Variants in ADCY8 observed in about 807,000 individuals in gnomAD.
ADCY8 encodes the protein adenylate cyclase 8.
A neutral mutation model predicts 119.7 loss-of-function variants in ADCY8; 51 were observed. The ratio of observed to expected loss-of-function variants is 0.43; its 90% confidence interval spans 0.34 to 0.54. ADCY8 has a LOEUF of 0.54. Among genes scored for constraint, ADCY8 ranks in the 20% least tolerant of loss-of-function variants. The pLI is 0.03. For missense variants in ADCY8, 1,383 were observed against 1,598.8 expected (o/e 0.87, Z 2.30); for synonymous variants, 665 against 651.0 (o/e 1.02, Z -0.33).
At chr8:130,841,472 A>C (rs773446276) in intron 11 of ADCY8, among the ~76,000 whole-genome samples, 5 of 152,232 alleles carry the variant, frequency 3.3e-5, no homozygotes, top group Non-Finnish European at 5.9e-5. Context: ...TCCATGAAAC[A>C]AACAGTTTAC....
chr8:130,874,967 G>A (rs989316706), intron 8 of ADCY8, among the ~76,000 whole-genome samples: 8 of 152,186 alleles, frequency 5.3e-5, no homozygotes, highest in South Asian at 2.1e-4. Context: ...CCCATGAAGC[G>A]TTACAATTGC....
chr8:130,924,788 G>A (rs1820412544), intron 5 of ADCY8, among the ~76,000 whole-genome samples: 1 of 152,128 alleles, frequency 6.6e-6, no homozygotes. Context: ...TGTCCATGCT[G>A]CAGACATACT....
intron 2 of ADCY8, among the ~76,000 whole-genome samples, chr8:130,970,707 C>T (rs970341421): frequency 6.6e-6 from 1 of 152,200 alleles, no homozygotes; most frequent in Non-Finnish European, 1.5e-5. Flanking sequence ...TTGGAATTCA[C>T]CAACTCTGGT....
At chr8:130,789,669 G>C (rs1324907536) in intron 15 of ADCY8, among the ~76,000 whole-genome samples, 2 of 152,136 alleles carry the variant, frequency 1.3e-5, no homozygotes, top group African/African-American at 4.8e-5. Context: ...GGCACAGAGG[G>C]GCTGACGGAA....
At chr8:130,889,746 C>G (rs1457730547) in intron 7 of ADCY8, among the ~76,000 whole-genome samples, 2 of 152,142 alleles carry the variant, frequency 1.3e-5, no homozygotes, top group Non-Finnish European at 2.9e-5. Flanking sequence ...GGCACTACTT[C>G]ACAGAGTATC....
intron 1 of ADCY8, among the ~76,000 whole-genome samples, chr8:131,034,736 A>G (rs543266641): frequency 3.3e-5 from 5 of 152,292 alleles, no homozygotes; most frequent in African/African-American, 1.2e-4. Context: ...CCGCTTATCT[A>G]TCTCACCAAG....
At chr8:130,960,978 G>A (rs948381090) in intron 2 of ADCY8, among the ~76,000 whole-genome samples, 1 of 152,082 alleles carries the variant, frequency 6.6e-6, no homozygotes, top group African/African-American at 2.4e-5. Flanking sequence ...CTGTTCTTAG[G>A]AGAAATTCCA....
chr8:130,850,243 G>T (rs1016546425), intron 9 of ADCY8, among the ~76,000 whole-genome samples: 2 of 152,130 alleles, frequency 1.3e-5, no homozygotes, highest in Non-Finnish European at 2.9e-5. Context: ...AGTTGCTCAG[G>T]TTGGTTCCTG....
chr8:130,823,243 A>G (rs1449096327), intron 12 of ADCY8, among the ~76,000 whole-genome samples: 2 of 151,426 alleles, frequency 1.3e-5, no homozygotes, highest in Non-Finnish European at 2.9e-5. Context: ...AAAAGTAAAA[A>G]TTATGAACAA....
At position 130,780,371 on chromosome 8, in the gene ADCY8, A is replaced by AAC. The variant is rs1554599525; in HGVS notation, c.*18_*19insGT. 2.1e-6 allele frequency: 3 copies of AAC among 1,404,840 alleles called. No homozygotes were observed. Among genetic ancestry groups the AAC allele is most frequent in the Non-Finnish European group, 2.8e-6 (3 of 1,074,634 alleles). The allele number at this position is 1,404,840 out of a possible 1,614,324, so 87.0% of individuals were successfully genotyped here. ...TATATAAAAGAAATACAAAAAAAAAAAACAGAAAGAAAATGCTTTTATGGC... is the reference window on the plus strand; with the variant it reads ...TATATAAAAGAAATACAAAAAAAAAAACAACAGAAAGAAAATGCTTTTATGGC... On this transcript the variant is annotated 3_prime_UTR_variant, in exon 18 of 18. Transcript: ENST00000286355.
intron 7 of ADCY8, among the ~76,000 whole-genome samples, chr8:130,889,165 A>C (rs1042434720): frequency 1.3e-5 from 2 of 152,152 alleles, no homozygotes; most frequent in African/African-American, 4.8e-5. Context: ...GTTTCATTAC[A>C]AAGTGGTTCT....
At chr8:131,026,778 T>C (rs1361194786) in intron 1 of ADCY8, among the ~76,000 whole-genome samples, 2 of 152,210 alleles carry the variant, frequency 1.3e-5, no homozygotes, top group Admixed American at 6.5e-5. Context: ...GGGTGATTGT[T>C]TTAAAACTTA....
intron 7 of ADCY8, among the ~76,000 whole-genome samples, chr8:130,886,154 C>CTTCTAA (rs1818973535): frequency 6.6e-6 from 1 of 152,046 alleles, no homozygotes; most frequent in African/African-American, 2.4e-5. Flanking sequence ...AAATTCAAAG[C>CTTCTAA]TTCTAAAGCA....
At chr8:130,875,297 C>T (rs1165874159) in intron 8 of ADCY8, among the ~76,000 whole-genome samples, 1 of 152,194 alleles carries the variant, frequency 6.6e-6, no homozygotes, top group Middle Eastern at 3.2e-3. Flanking sequence ...CCAAGATATT[C>T]ATACTATGTT....
intron 8 of ADCY8, among the ~76,000 whole-genome samples, chr8:130,876,892 G>T (rs1461448061): frequency 1.3e-5 from 2 of 152,138 alleles, no homozygotes; most frequent in Non-Finnish European, 2.9e-5. Context: ...AGAAAGACAG[G>T]ATTTTTCAAG....
At chr8:131,027,629 T>C (rs749504456) in intron 1 of ADCY8, among the ~76,000 whole-genome samples, 5 of 152,150 alleles carry the variant, frequency 3.3e-5, no homozygotes, top group Admixed American at 6.5e-5. Flanking sequence ...TGGAGTCAAT[T>C]GTTACTTGTT....
At chr8:130,945,371 C>T (rs1821077513) in intron 3 of ADCY8, among the ~76,000 whole-genome samples, 1 of 152,204 alleles carries the variant, frequency 6.6e-6, no homozygotes, top group African/African-American at 2.4e-5. Flanking sequence ...ACTATACTGC[C>T]ATTGTCTTCT....
At chr8:130,903,535 A>T (rs1819675428) in intron 7 of ADCY8, among the ~76,000 whole-genome samples, 1 of 151,226 alleles carries the variant, frequency 6.6e-6, no homozygotes, top group South Asian at 2.1e-4. Context: ...GTTACAAAAA[A>T]AAAAAAAGAG....
chr8:131,027,554 G>A (rs1261893668), intron 1 of ADCY8, among the ~76,000 whole-genome samples: 1 of 152,182 alleles, frequency 6.6e-6, no homozygotes, highest in Non-Finnish European at 1.5e-5. Flanking sequence ...AGGATAGAGA[G>A]CTGTGGACAG....
Sources: allele counts gnomAD v4.1 joint callset (sites outside exome capture counted in the v4.1 genomes callset), GRCh38; gene constraint gnomAD v4.1.1; transcripts MANE v1.5; gene names NCBI Gene and HGNC (gene_info 2026-07-23, HGNC 2026-07-21).